ZSWIM5: variants seen among roughly 807,000 people sequenced by gnomAD.
The protein encoded by ZSWIM5 is zinc finger SWIM domain-containing protein 5.
ZSWIM5 carries 55 observed loss-of-function variants against 119.6 expected under a neutral mutation model. That is an observed-to-expected ratio of 0.46 (90% CI 0.37 to 0.58). The LOEUF (loss-of-function observed/expected upper bound fraction) is 0.58. Ranked by LOEUF, ZSWIM5 falls within the 20% of genes least tolerant of loss-of-function variation. The pLI is 0.00. For missense variants in ZSWIM5, 1,193 were observed against 1,512.8 expected, an observed-to-expected ratio of 0.79 and a Z score of 3.51; for synonymous variants, 537 against 606.9, an observed-to-expected ratio of 0.88 and a Z score of 1.69.
At chr1:45,068,308 G>A (rs1271053156) in intron 2 of ZSWIM5, among the ~76,000 whole-genome samples, 1 of 151,618 alleles carries the variant, frequency 6.6e-6, no homozygotes, top group Non-Finnish European at 1.5e-5. Flanking sequence ...ATTTCACCAT[G>A]CTGGCCAGGC....
chr1:45,205,387 T>C (rs1646181432), intron 1 of ZSWIM5, among the ~76,000 whole-genome samples: 1 of 152,216 alleles, frequency 6.6e-6, no homozygotes, highest in East Asian at 1.9e-4. Flanking sequence ...TAAAACCGCT[T>C]GTTCCAGATT....
At chr1:45,135,935 A>G (rs1645686524) in intron 1 of ZSWIM5, among the ~76,000 whole-genome samples, 1 of 151,690 alleles carries the variant, frequency 6.6e-6, no homozygotes, top group Non-Finnish European at 1.5e-5. Flanking sequence ...ATCTAGGCTC[A>G]CTGCAACCTC....
At chr1:45,199,771 G>A (rs1214311023) in intron 1 of ZSWIM5, among the ~76,000 whole-genome samples, 1 of 152,082 alleles carries the variant, frequency 6.6e-6, no homozygotes, top group Non-Finnish European at 1.5e-5. Flanking sequence ...CCCTACCTAA[G>A]GAAGGCAACG....
In ZSWIM5 at chr1:45,072,360, C is replaced by A. The variant is rs181176311; in HGVS notation, c.953-12113G>T. Among the ~76,000 whole-genome samples, 5 of 152,028 alleles carry A rather than the reference C, an allele frequency of 3.3e-5. No individual in the cohort carries two copies. In the East Asian group the frequency reaches 9.6e-4, roughly 29 times the overall value. On this transcript the variant is annotated intron_variant, in intron 2 of 13. Transcript: ENST00000359600. This position sits in a 1 kb window ranked among gnomAD's most constrained non-coding sequence, Gnocchi z 4.1. ...TGGGTAGTTTGCTAATATTTTCTCC[C>A]ATTCTGTGGTTTGTCTCTTCACTTT... is the stretch of plus-strand genomic sequence containing the variant.
chr1:45,019,021 A>G lies in ZSWIM5; in HGVS notation c.2991T>C (p.His997=), dbSNP rs372907194. ...AGCGGGCGATGGTGAACAGCTGTGAATGGGTCATACCACCAGCAGCAGCAT... is the reference window on the plus strand; with the variant it reads ...AGCGGGCGATGGTGAACAGCTGTGAGTGGGTCATACCACCAGCAGCAGCAT... ...AIDAAAGGMT[H]SQLFTIARYM... is the part of the protein sequence containing the mutation. The change falls in exon 14 of 14, where the codon CAT becomes CAC. Residue 997 remains histidine, a synonymous_variant. Coordinates refer to ENST00000359600, the MANE Select transcript of ZSWIM5 (RefSeq NM_020883.2). This position sits in a 1 kb window ranked among gnomAD's most constrained non-coding sequence, Gnocchi z 5.0. 1.9e-6 allele frequency: 3 copies of G among 1,614,094 alleles called. No homozygotes were observed. Among genetic ancestry groups the G allele is most frequent in the African/African-American group, 2.7e-5 (2 of 74,934 alleles).
At chr1:45,204,460 T>G (rs1003096838) in intron 1 of ZSWIM5, among the ~76,000 whole-genome samples, 1 of 152,208 alleles carries the variant, frequency 6.6e-6, no homozygotes. Context: ...CTCAAGCCAC[T>G]GTCACTATAT....
chr1:45,117,583 G>C (rs1341775875), intron 1 of ZSWIM5, among the ~76,000 whole-genome samples: 1 of 152,130 alleles, frequency 6.6e-6, no homozygotes, highest in Non-Finnish European at 1.5e-5. Flanking sequence ...GAGGTGGGAG[G>C]ATGGCTTGAG....
At chr1:45,107,365 G>A (rs1474283200) in intron 1 of ZSWIM5, among the ~76,000 whole-genome samples, 3 of 152,030 alleles carry the variant, frequency 2.0e-5, no homozygotes, top group Admixed American at 2.0e-4. Context: ...TAGGCTGGGC[G>A]TGGTGGCTCA....
At chr1:45,021,620 G>A (rs947131093) in intron 11 of ZSWIM5, among the ~76,000 whole-genome samples, 4 of 152,236 alleles carry the variant, frequency 2.6e-5, no homozygotes, top group African/African-American at 9.6e-5. Context: ...TAGGCCTTAT[G>A]TTTTGCTTTG....
intron 2 of ZSWIM5, among the ~76,000 whole-genome samples, chr1:45,061,339 T>C (rs1195545437): frequency 6.6e-6 from 1 of 151,952 alleles, no homozygotes; most frequent in African/African-American, 2.4e-5. Context: ...TGTGTATATA[T>C]GGGGTACAAT....
chr1:45,018,923 G>A lies in ZSWIM5; in HGVS notation c.3089C>T (p.Ala1030Val). The A allele has an allele frequency of 6.2e-7, 1 of 1,614,230 alleles. No individual in the cohort carries two copies. ...ASLAMSHLNL[A>V]YNQDTHPAIN... ...GGCTGGGTGAGTATCCTGGTTGTAG[G>A]CCAGGTTAAGATGGCTCATGGCCAA... is the stretch of plus-strand genomic sequence containing the variant. The change falls in exon 14 of 14, where the codon GCC becomes GTC. Residue 1030 changes from alanine (A) to valine (V), a missense_variant. This residue lies in a region of ZSWIM5 where 961 missense variants were observed against 1,290.0 expected (regional missense o/e 0.74). Transcript: ENST00000359600. The surrounding 1 kb of genome is among the most constrained non-coding windows in gnomAD (Gnocchi z 6.7).
intron 1 of ZSWIM5, among the ~76,000 whole-genome samples, chr1:45,112,059 G>T (rs1645521933): frequency 1.3e-5 from 2 of 152,090 alleles, no homozygotes; most frequent in South Asian, 4.1e-4. Context: ...CATATTTAAA[G>T]GGTACAATTT....
chr1:45,048,336 G>A (rs76182252), intron 5 of ZSWIM5, among the ~76,000 whole-genome samples: 2,246 of 152,008 alleles, frequency 0.015, 51 homozygotes, highest in African/African-American at 0.052. Flanking sequence ...CACTGTGCCC[G>A]GCATGGTTGT....
intron 1 of ZSWIM5, among the ~76,000 whole-genome samples, chr1:45,142,473 T>A (rs1433323817): frequency 6.6e-6 from 1 of 152,122 alleles, no homozygotes; most frequent in Non-Finnish European, 1.5e-5. Flanking sequence ...CACCTTGGTC[T>A]CCCTAGTAGC....
chr1:45,195,404 A>AT (rs1000345322), intron 1 of ZSWIM5, among the ~76,000 whole-genome samples: 36 of 150,856 alleles, frequency 2.4e-4, no homozygotes, highest in Non-Finnish European at 3.8e-4. Context: ...TGCCTGGCTA[A>AT]TTTTTTTTAA....
At chr1:45,051,368 C>T (rs1645087585) in intron 4 of ZSWIM5, 115 bp from the exon 5 acceptor site, 1 of 1,143,666 alleles carries the variant, frequency 8.7e-7, no homozygotes, top group East Asian at 2.6e-5. Flanking sequence ...ATTATCTTTT[C>T]TTAATATAAA....
chr1:45,121,228 GGCGTGA>G (rs1645589929), intron 1 of ZSWIM5, among the ~76,000 whole-genome samples: 1 of 152,192 alleles, frequency 6.6e-6, no homozygotes, highest in Non-Finnish European at 1.5e-5. Flanking sequence ...TCGGATTACA[GGCGTGA>G]GCCACAGCAC....
chr1:45,170,666 C>T (rs148851071), intron 1 of ZSWIM5, among the ~76,000 whole-genome samples: 3 of 151,920 alleles, frequency 2.0e-5, no homozygotes, highest in South Asian at 2.1e-4. Flanking sequence ...TTGCCTCAAG[C>T]GATCCTCTTG....
intron 1 of ZSWIM5, among the ~76,000 whole-genome samples, chr1:45,146,549 C>T (rs1460585073): frequency 1.4e-5 from 2 of 145,796 alleles, no homozygotes; most frequent in African/African-American, 2.5e-5. Context: ...AAGCAATTCT[C>T]GTGCCTCAGC....
Sources: allele counts gnomAD v4.1 joint callset (sites outside exome capture counted in the v4.1 genomes callset), GRCh38; gene constraint gnomAD v4.1.1; regional missense constraint gnomAD v4.1.1; non-coding constraint Gnocchi (gnomAD v3.1); transcripts MANE v1.5; gene names NCBI Gene and HGNC (gene_info 2026-07-23, HGNC 2026-07-21).